DNAJC16: variants seen among roughly 807,000 people sequenced by gnomAD.
DNAJC16 encodes the protein DnaJ heat shock protein family (Hsp40) member C16.
DNAJC16 carries 76 observed loss-of-function variants against 92.7 expected under a neutral mutation model. The ratio of observed to expected loss-of-function variants is 0.82; its 90% CI spans 0.68 to 0.99. DNAJC16 has a LOEUF of 0.99. DNAJC16 is among the 50% of genes least tolerant of loss of function. DNAJC16 has a pLI of 0.00. For synonymous variants in DNAJC16, 328 were observed against 358.7 expected (o/e 0.91, Z 0.97); for missense variants, 869 against 942.4 (o/e 0.92, Z 1.02).
intron 5 of DNAJC16, among the ~76,000 whole-genome samples, chr1:15,545,540 T>C (rs533260885): frequency 2.6e-5 from 4 of 152,302 alleles, no homozygotes; most frequent in African/African-American, 9.6e-5. Flanking sequence ...TCGTAATGAG[T>C]TGGGAAAGGC....
rs758427393 is a variant in DNAJC16, at chr1:15,544,417, T to C, written c.593T>C (p.Val198Ala). ...TTTTCAGGTGTAGGAATTGGCGTGG[T>C]CCATGCTGGGTATGAGAGACGCCTG... Reference protein sequence around the residue: ...LEELGVGIGVVHAGYERRLAH... With the variant: ...LEELGVGIGVAHAGYERRLAH... Residue 198 changes from valine (V) to alanine (A), a missense_variant, in exon 5 of 15, where the codon GTC becomes GCC. Physicochemically the swap from Val to Ala is moderately conservative, Grantham distance 64 (BLOSUM62 0). Coordinates refer to ENST00000375847, the MANE Select transcript of DNAJC16 (RefSeq NM_015291.4). 1.4e-4 allele frequency: 232 copies of C among 1,613,434 alleles called. No individual in the cohort carries two copies. The highest frequency in any genetic ancestry group is 1.9e-4 in the Non-Finnish European group (225 of 1,179,660).
At chr1:15,557,205 A>C (rs1256923499) in intron 7 of DNAJC16, among the ~76,000 whole-genome samples, 1 of 152,168 alleles carries the variant, frequency 6.6e-6, no homozygotes, top group Non-Finnish European at 1.5e-5. Context: ...TTTATGTGAG[A>C]TTGTCTTCCT....
intron 6 of DNAJC16, among the ~76,000 whole-genome samples, chr1:15,547,693 C>T (rs476049): frequency 0.013 from 1,957 of 152,206 alleles, 46 homozygotes; most frequent in African/African-American, 0.044. Flanking sequence ...CCGCCCACCT[C>T]GGCCTCCCAA....
Position 15,567,303 on chromosome 1 carries a change from T to C in DNAJC16, c.1949+34T>C, listed in dbSNP as rs185150591. The C allele has an allele frequency of 6.3e-5, 100 of 1,588,550 alleles. No individual in the cohort carries two copies. The African/African-American group carries it at 1.1e-3, about 17-fold the overall frequency. On this transcript the variant is annotated intron_variant, in intron 14 of 14. Coordinates refer to ENST00000375847, the MANE Select transcript of DNAJC16 (RefSeq NM_015291.4). ...GTGTGTGTGTGCATGTATGTATGTG[T>C]GTGAGAGAGAGAGAGGCAGGCACAC... is the stretch of plus-strand genomic sequence containing the variant.
chr1:15,531,341 G>A lies in DNAJC16; in HGVS notation c.167+2069G>A, dbSNP rs114890930. Among the ~76,000 whole-genome samples, 1,242 of 152,302 alleles carry A rather than the reference G, an allele frequency of 8.2e-3. 15 individuals are homozygous for A. Among genetic ancestry groups the A allele is most frequent in the African/African-American group, 0.027 (1,131 of 41,556 alleles). Reference sequence around the variant, plus strand: ...TTGAAAATATATTTTTAAAATAAATGTTTTAGACCATATTCCATGAGAAAT... The same window carrying A: ...TTGAAAATATATTTTTAAAATAAATATTTTAGACCATATTCCATGAGAAAT... On this transcript the variant is annotated intron_variant, in intron 2 of 14. Coordinates refer to ENST00000375847, the MANE Select transcript of DNAJC16 (RefSeq NM_015291.4).
intron 2 of DNAJC16, 64 bp from the exon 3 acceptor site, chr1:15,534,173 G>T: frequency 6.4e-7 from 1 of 1,555,434 alleles, no homozygotes; most frequent in South Asian, 1.1e-5. Flanking sequence ...TGTGGACAAG[G>T]ACATTAAATG....
chr1:15,567,408 G>T, intron 14 of DNAJC16, 139 bp downstream of exon 14: 3 of 883,550 alleles, frequency 3.4e-6, no homozygotes, highest in Non-Finnish European at 5.1e-6. Context: ...TTCCAATCCA[G>T]ACATCTGAGC....
intron 2 of DNAJC16, among the ~76,000 whole-genome samples, chr1:15,531,411 T>C (rs1045571651): frequency 6.6e-6 from 1 of 152,254 alleles, no homozygotes; most frequent in Non-Finnish European, 1.5e-5. Context: ...ATACATGACC[T>C]CCTTCCAGGG....
intron 7 of DNAJC16, among the ~76,000 whole-genome samples, chr1:15,550,932 T>G (rs1456913601): frequency 6.6e-6 from 1 of 152,176 alleles, no homozygotes; most frequent in African/African-American, 2.4e-5. Flanking sequence ...TGCAATGGCA[T>G]GATCTCGGCT....
chr1:15,530,113 A>G (rs1710619933), intron 2 of DNAJC16, among the ~76,000 whole-genome samples: 1 of 151,982 alleles, frequency 6.6e-6, no homozygotes, highest in Admixed American at 6.6e-5. Context: ...GGCTGACTAT[A>G]TATTACTCAA....
chr1:15,566,991 A>C (rs1570933359), intron 13 of DNAJC16, 108 bp from the exon 14 acceptor site: 1 of 1,041,834 alleles, frequency 9.6e-7, no homozygotes, highest in East Asian at 2.5e-5. Context: ...AGTGAATAAC[A>C]TACCTAGTCT....
At chr1:15,540,896 G>A (rs1429177139) in intron 4 of DNAJC16, among the ~76,000 whole-genome samples, 1 of 152,168 alleles carries the variant, frequency 6.6e-6, no homozygotes, top group African/African-American at 2.4e-5. Flanking sequence ...GGGTGAGTCA[G>A]TCACTGAGAA....
At position 15,566,115 on chromosome 1, in the gene DNAJC16, AG is replaced by A; in HGVS notation, c.1714del (p.Glu572LysfsTer32). 6.2e-7 allele frequency: 1 copy of A among 1,614,040 alleles called. No individual in the cohort carries two copies. Among genetic ancestry groups the A allele is most frequent in the Non-Finnish European group, 8.5e-7 (1 of 1,180,014 alleles). On this transcript the variant is annotated frameshift_variant, in exon 13 of 15. Transcript: ENST00000375847. LOFTEE classifies it high-confidence loss of function. ...SNDERESSPP[E>X]KEEAQEKTGK... ...ATGATGAGCGAGAGTCAAGCCCTCC[AG>A]AAAAAGAGGAAGCCCAAGAGAAGAC...
chr1:15,566,883 C>CAAAAAG (rs1486812614), intron 13 of DNAJC16, among the ~76,000 whole-genome samples: 1 of 152,030 alleles, frequency 6.6e-6, no homozygotes, highest in South Asian at 2.1e-4. Context: ...GAACCTATCT[C>CAAAAAG]AAAAAGAAAA....
intron 6 of DNAJC16, among the ~76,000 whole-genome samples, chr1:15,547,260 G>A (rs1638331965): frequency 6.7e-6 from 1 of 149,032 alleles, no homozygotes; most frequent in Admixed American, 6.8e-5. Flanking sequence ...CGATTCTTCT[G>A]CCTCAGCCTC....
chr1:15,536,919 C>G lies in DNAJC16; in HGVS notation c.574+105C>G, dbSNP rs143627907. 498 of 967,442 alleles carry G rather than the reference C, an allele frequency of 5.1e-4. 3 individuals are homozygous for G. In the African/African-American group the frequency reaches 7.6e-3, roughly 15 times the overall value. The allele number at this position is 967,442 out of a possible 1,614,324, so 59.9% of individuals were successfully genotyped here. Reference sequence around the variant, plus strand: ...AGGCTGGAGTACAGTGGTGTGATCTCGGCTCACTGCAACCTCCACCTCCCG... The same window carrying G: ...AGGCTGGAGTACAGTGGTGTGATCTGGGCTCACTGCAACCTCCACCTCCCG... On this transcript the variant is annotated intron_variant, in intron 4 of 14. Transcript: ENST00000375847.
chr1:15,543,257 T>C (rs1406541599), intron 4 of DNAJC16, among the ~76,000 whole-genome samples: 2 of 152,188 alleles, frequency 1.3e-5, no homozygotes, highest in Non-Finnish European at 2.9e-5. Context: ...GTGTGGACCC[T>C]GAGTGTGGGG....
rs1710967760 is a variant in DNAJC16, at chr1:15,542,978, A to G, written c.575-1421A>G. ...GCATTGTGTTGAGTGTGAGTAGGAA[A>G]AACAGGTTGGTTTTTCCTCTCTCAC... is the stretch of plus-strand genomic sequence containing the variant. On this transcript the variant is annotated intron_variant, in intron 4 of 14. Coordinates refer to ENST00000375847, the MANE Select transcript of DNAJC16 (RefSeq NM_015291.4). Among the ~76,000 whole-genome samples the G allele has an allele frequency of 2.0e-5, 3 of 152,276 alleles. No individual in the cohort carries two copies. In the South Asian group the frequency reaches 6.2e-4, roughly 32 times the overall value.
At chr1:15,545,502 G>A (rs922701318) in intron 5 of DNAJC16, among the ~76,000 whole-genome samples, 6 of 152,202 alleles carry the variant, frequency 3.9e-5, no homozygotes, top group African/African-American at 9.6e-5. Flanking sequence ...TCCCAAGCGG[G>A]TGGTTATTTC....
Sources: gnomAD v4.1 joint callset for allele counts (sites outside exome capture counted in the v4.1 genomes callset) on GRCh38, gnomAD v4.1.1 for gene constraint, MANE v1.5 for transcripts, NCBI Gene and HGNC (gene_info 2026-07-23, HGNC 2026-07-21) for gene names.